Variants in VPS8 observed in about 807,000 individuals in gnomAD.
VPS8 encodes the protein VPS8 subunit of CORVET complex.
In VPS8, 129 loss-of-function variants were observed where a neutral mutation model predicts 216.4. That is an observed-to-expected ratio of 0.60 (90% CI 0.52 to 0.69). The LOEUF is 0.69. Ranked by LOEUF, VPS8 falls within the 30% of genes least tolerant of loss-of-function variation. The probability of loss-of-function intolerance (pLI) is 0.00; values close to 1 mark genes in which losing one functional copy is unlikely to be tolerated. For missense variants in VPS8, 1,531 were observed against 1,683.5 expected, an observed-to-expected ratio of 0.91 and a Z score of 1.59; for synonymous variants, 571 against 565.4, an observed-to-expected ratio of 1.01 and a Z score of -0.14.
chr3:184,902,502 T>A (rs750450626), intron 25 of VPS8, among the ~76,000 whole-genome samples: 1 of 138,302 alleles, frequency 7.2e-6, no homozygotes, highest in South Asian at 2.3e-4. Context: ...ATCTTATTAA[T>A]TTTTTTTTGT....
intron 46 of VPS8, among the ~76,000 whole-genome samples, chr3:185,046,920 C>T (rs1713048220): frequency 1.3e-5 from 2 of 152,146 alleles, no homozygotes; most frequent in African/African-American, 4.8e-5. Context: ...GCATGCCGGC[C>T]CTCCCATCCC....
chr3:184,983,719 C>T (rs899061253), intron 42 of VPS8, among the ~76,000 whole-genome samples: 1 of 152,078 alleles, frequency 6.6e-6, no homozygotes, highest in Non-Finnish European at 1.5e-5. Flanking sequence ...AGGAATTATA[C>T]TTAGAATCCA....
intron 45 of VPS8, among the ~76,000 whole-genome samples, chr3:185,008,865 T>C (rs907007934): frequency 1.3e-5 from 2 of 152,186 alleles, no homozygotes; most frequent in African/African-American, 2.4e-5. Flanking sequence ...ACAAGCATTA[T>C]ATCAAATATA....
At chr3:184,972,768 G>A (rs948690185) in intron 40 of VPS8, among the ~76,000 whole-genome samples, 1 of 152,218 alleles carries the variant, frequency 6.6e-6, no homozygotes, top group African/African-American at 2.4e-5. Context: ...CTAAGGGGGC[G>A]AGATGTGATT....
At chr3:184,894,637 G>A (rs1733047062) in intron 22 of VPS8, 66 bp from the exon 23 acceptor site, 1 of 1,223,814 alleles carries the variant, frequency 8.2e-7, no homozygotes, top group Non-Finnish European at 1.2e-6. Context: ...GATATATTTG[G>A]GAGACTAAAT....
chr3:184,918,903 A>G (rs963601671), intron 28 of VPS8, among the ~76,000 whole-genome samples: 2 of 152,208 alleles, frequency 1.3e-5, no homozygotes, highest in Admixed American at 6.5e-5. Flanking sequence ...TCAGGGTCAT[A>G]TTCAACCCAC....
chr3:185,048,618 A>T, intron 47 of VPS8, 59 bp downstream of exon 47: 1 of 1,585,734 alleles, frequency 6.3e-7, no homozygotes, highest in South Asian at 1.1e-5. Flanking sequence ...ACTGCTTTAG[A>T]CAGGCAGTGT....
intron 21 of VPS8, among the ~76,000 whole-genome samples, chr3:184,873,951 G>A (rs972807522): frequency 1.3e-5 from 2 of 152,112 alleles, no homozygotes; most frequent in African/African-American, 2.4e-5. Flanking sequence ...GTTTTCTCTG[G>A]AAAACGTGAC....
At chr3:184,961,308 T>C (rs1377840106) in intron 37 of VPS8, among the ~76,000 whole-genome samples, 1 of 152,252 alleles carries the variant, frequency 6.6e-6, no homozygotes, top group African/African-American at 2.4e-5. Flanking sequence ...TTTCCTTTGC[T>C]GTCAACACTC....
At chr3:184,936,194 T>C in intron 34 of VPS8, 52 bp from the exon 35 acceptor site, 9 of 1,477,068 alleles carry the variant, frequency 6.1e-6, no homozygotes, top group South Asian at 1.2e-5. Flanking sequence ...TCTGTGGATA[T>C]GCTGTTTAAA....
rs1431278827 is a variant in VPS8 at position 184,957,580 on chromosome 3, C to T, written c.3183+59C>T. The T allele has an allele frequency of 2.7e-6, 4 of 1,500,100 alleles. No homozygotes were observed. The African/African-American group carries it at 5.6e-5, about 21-fold the overall frequency. 92.9% of individuals were successfully genotyped at this position (1,500,100 alleles called of 1,614,324 possible). A position where few individuals can be genotyped will look rare whatever the true frequency, so the allele number is the denominator to read the frequency against. Reference sequence around the variant, plus strand: ...ACTCTTCTTAACATTCTCCATTTGACAGATGATCAAAGACAAGGGGAAAAA... The same window carrying T: ...ACTCTTCTTAACATTCTCCATTTGATAGATGATCAAAGACAAGGGGAAAAA... On this transcript the variant is annotated intron_variant, in intron 37 of 47. Coordinates refer to ENST00000625842, the MANE Select transcript of VPS8 (RefSeq NM_001009921.3).
At chr3:184,848,564 C>CTTTTTTTTTTTTTTT (rs35715889) in intron 8 of VPS8, among the ~76,000 whole-genome samples, 2 of 87,204 alleles carry the variant, frequency 2.3e-5, no homozygotes, top group Non-Finnish European at 4.5e-5. Context: ...TTCCTGTATT[C>CTTTTTTTTTTTTTTT]TTTTTTTTTT....
chr3:184,966,153 A>G lies in VPS8; in HGVS notation c.3274-518A>G, dbSNP rs537473032. Reference sequence around the variant, plus strand: ...GGGTAAAGGAGAGCTGACGTGTCACATGGCATGAGAGGGAGCAAGAGTGGG... The same window carrying G: ...GGGTAAAGGAGAGCTGACGTGTCACGTGGCATGAGAGGGAGCAAGAGTGGG... On this transcript the variant is annotated intron_variant, in intron 38 of 47. Transcript: ENST00000625842. Among the ~76,000 whole-genome samples, 6 of 152,280 alleles carry G rather than the reference A, an allele frequency of 3.9e-5. No homozygotes were observed. In the South Asian group the frequency reaches 6.2e-4, roughly 16 times the overall value.
chr3:184,886,067 A>T, intron 21 of VPS8, 43 bp from the exon 22 acceptor site: 2 of 1,588,322 alleles, frequency 1.3e-6, no homozygotes, highest in Non-Finnish European at 1.7e-6. Context: ...GGACCACTGG[A>T]CAGGGTTGTG....
chr3:184,924,939 G>A lies in VPS8; in HGVS notation c.2532G>A (p.Lys844=). Residue 844 remains lysine (K), a synonymous_variant, in exon 30 of 48, where the codon AAG becomes AAA. Coordinates refer to ENST00000625842, the MANE Select transcript of VPS8 (RefSeq NM_001009921.3). The part of the protein sequence containing the change: ...LFTFLARQLA[K]PDNTLFVNRT... ...CCTTCCTTGCTCGGCAGCTTGCAAA[G>A]CCTGACAACACCTTGTTTGTAAACA... 1.2e-6 allele frequency: 2 copies of A among 1,613,704 alleles called. No individual in the cohort carries two copies. Among genetic ancestry groups the A allele is most frequent in the South Asian group, 1.1e-5 (1 of 91,066 alleles).
intron 20 of VPS8, 122 bp downstream of exon 20, chr3:184,869,650 C>A: frequency 2.3e-6 from 2 of 881,370 alleles, no homozygotes; most frequent in Non-Finnish European, 3.5e-6. Flanking sequence ...TTAAAAAACA[C>A]ACACACACAC....
chr3:184,950,727 C>T (rs115650067), intron 36 of VPS8, among the ~76,000 whole-genome samples: 10,810 of 152,142 alleles, frequency 0.071, 473 homozygotes, highest in Non-Finnish European at 0.093. Flanking sequence ...CGCCTCCCAC[C>T]CTCCAACAGG....
At chr3:184,927,900 A>G (rs1739964246) in intron 31 of VPS8, among the ~76,000 whole-genome samples, 1 of 152,198 alleles carries the variant, frequency 6.6e-6, no homozygotes, top group African/African-American at 2.4e-5. Context: ...TGCATGTATC[A>G]GGTTTTCTTC....
chr3:184,878,945 C>T (rs1729787702), intron 21 of VPS8, among the ~76,000 whole-genome samples: 1 of 152,094 alleles, frequency 6.6e-6, no homozygotes, highest in Admixed American at 6.6e-5. Context: ...TGCGTGTATA[C>T]ATATGTATGT....
Sources: allele counts gnomAD v4.1 joint callset (sites outside exome capture counted in the v4.1 genomes callset), GRCh38; gene constraint gnomAD v4.1.1; transcripts MANE v1.5; gene names NCBI Gene and HGNC (gene_info 2026-07-23, HGNC 2026-07-21).